Variants in RNF213 observed in about 807,000 individuals in gnomAD.
RNF213 encodes the protein E3 ubiquitin-protein ligase RNF213.
Under a neutral mutation model 514.4 loss-of-function variants are expected in RNF213, and 341 were observed. The observed-to-expected ratio is 0.66, with a 90% CI of 0.61 to 0.73. RNF213 has a LOEUF of 0.73. RNF213 is among the 30% of genes least tolerant of loss of function. The pLI is 0.00. For missense variants in RNF213, 5,767 were observed against 6,615.6 expected (o/e 0.87, Z 4.45); for synonymous variants, 2,655 against 2,658.2 (o/e 1.00, Z 0.04).
At chr17:80,339,153 C>T (rs2078075495) in intron 25 of RNF213, 48 bp from the exon 26 acceptor site, 1 of 1,418,934 alleles carries the variant, frequency 7.0e-7, no homozygotes, top group Non-Finnish European at 9.3e-7. Flanking sequence ...TAGCGTGTTA[C>T]CCTCTCGCAT....
At chr17:80,265,639 G>A (rs1194323421) in intron 2 of RNF213, among the ~76,000 whole-genome samples, 3 of 152,192 alleles carry the variant, frequency 2.0e-5, no homozygotes, top group Non-Finnish European at 4.4e-5. Flanking sequence ...GAGTTTCTTA[G>A]TGTGCCCTGG....
chr17:80,279,073 C>T (rs935070558), intron 3 of RNF213, among the ~76,000 whole-genome samples: 4 of 152,234 alleles, frequency 2.6e-5, no homozygotes, highest in Non-Finnish European at 4.4e-5. Context: ...GAAAGAGCAA[C>T]GCTGATTCAG....
At chr17:80,381,151 G>T in intron 56 of RNF213, 164 bp downstream of exon 56, 1 of 775,912 alleles carries the variant, frequency 1.3e-6, no homozygotes, top group Non-Finnish European at 2.2e-6. Flanking sequence ...TCCCCCTGTG[G>T]CGTATGATGG....
Position 80,357,695 on chromosome 17 carries a change from A to G in RNF213, c.10863-593A>G, listed in dbSNP as rs141400612. ...AGCCTTGCAAAAAATAAAGCAGATA[A>G]GTGCGGTGGCTCACACCTGTAATCC... On this transcript the variant is annotated intron_variant, in intron 36 of 67. Transcript: ENST00000582970. 5.1e-3 allele frequency among the ~76,000 whole-genome samples: 770 copies of G among 152,354 alleles called. 3 individuals are homozygous for G. Among genetic ancestry groups the G allele is most frequent in the African/African-American group, 0.017 (725 of 41,586 alleles).
At chr17:80,338,630 G>T (rs1187121516) in intron 25 of RNF213, among the ~76,000 whole-genome samples, 57 of 102,708 alleles carry the variant, frequency 5.5e-4, no homozygotes, top group South Asian at 1.2e-3. Flanking sequence ...AAAGTATAAG[G>T]TTTTTTTTTT....
At position 80,339,341 on chromosome 17, in the gene RNF213, C is replaced by T; in HGVS notation, c.4974C>T (p.Asp1658=). ...CCCTCCAAATGGACTTTGGCTTGGACCTGGTGACGGAGCTTAAAGAAGGTG... is the reference window on the plus strand; with the variant it reads ...CCCTCCAAATGGACTTTGGCTTGGATCTGGTGACGGAGCTTAAAGAAGGTG... ...GVSLQMDFGL[D]LVTELKEGGD... is the part of the protein sequence containing the mutation. The change falls in exon 26 of 68, where the codon GAC becomes GAT. Residue 1658 remains aspartate, a synonymous_variant. Transcript: ENST00000582970. 2 of 1,537,260 alleles carry T rather than the reference C, an allele frequency of 1.3e-6. No individual in the cohort carries two copies. Among genetic ancestry groups the T allele is most frequent in the African/African-American group, 1.4e-5 (1 of 73,162 alleles).
At chr17:80,335,638 A>G (rs965262335) in intron 22 of RNF213, among the ~76,000 whole-genome samples, 2 of 152,224 alleles carry the variant, frequency 1.3e-5, no homozygotes, top group African/African-American at 4.8e-5. Context: ...TGCCTGGGAC[A>G]TTGAAATTGC....
intron 47 of RNF213, 99 bp from the exon 48 acceptor site, chr17:80,372,422 A>ATCCTTCCTTCTCCACAGTCT: frequency 2.4e-6 from 2 of 842,870 alleles, no homozygotes; most frequent in Non-Finnish European, 3.9e-6. Flanking sequence ...ACATTCTTCT[A>ATCCTTCCTTCTCCACAGTCT]TCCTTCCTTC....
chr17:80,394,360 T>G lies in RNF213; in HGVS notation c.*862T>G, dbSNP rs540768524. ...ATAAACATGCAGTCTCAGTGTGCTC[T>G]CGCATGTATGAATATCTAGTCCTTT... On this transcript the variant is annotated 3_prime_UTR_variant, in exon 68 of 68. Coordinates refer to ENST00000582970, the MANE Select transcript of RNF213 (RefSeq NM_001256071.3). 6.2e-4 allele frequency: 95 copies of G among 152,364 alleles called. No homozygotes were observed. Among genetic ancestry groups the G allele is most frequent in the African/African-American group, 2.2e-3 (93 of 41,590 alleles). The allele number at this position is 152,364 out of a possible 1,614,324, so 9.4% of individuals were successfully genotyped here.
chr17:80,325,084 A>G lies in RNF213; in HGVS notation c.3079A>G (p.Ile1027Val). 3.3e-6 allele frequency: 5 copies of G among 1,537,218 alleles called. No homozygotes were observed. The highest frequency in any genetic ancestry group is 4.4e-6 in the Non-Finnish European group (5 of 1,146,904). ...FSYSDLRKFG[I>V]VLSAVITKSW... Reference sequence around the variant, plus strand: ...TTACTCTGATTTGCGGAAATTTGGCATCGTCTTGTCTGCTGTGATCACTAA... The same window carrying G: ...TTACTCTGATTTGCGGAAATTTGGCGTCGTCTTGTCTGCTGTGATCACTAA... The change falls in exon 18 of 68, where the codon ATC becomes GTC. Residue 1027 changes from isoleucine (I) to valine (V), a missense_variant. By Grantham distance (29) the Ile-to-Val change is conservative. Coordinates refer to ENST00000582970, the MANE Select transcript of RNF213 (RefSeq NM_001256071.3).
In RNF213 at chr17:80,361,805, G is replaced by A. The variant is rs545963983; in HGVS notation, c.11272G>A (p.Glu3758Lys). Reference sequence around the variant, plus strand: ...CAGGTTTCTTGCCCAGCTCCATGGAGAGCCGCAGCAGGAACTTCTTCAGTG... The same window carrying A: ...CAGGTTTCTTGCCCAGCTCCATGGAAAGCCGCAGCAGGAACTTCTTCAGTG... ...LGRFLAQLHG[E>K]PQQELLQCYL... Residue 3758 changes from glutamate to lysine, a missense_variant, in exon 39 of 68, where the codon GAG (glutamate) becomes AAG (lysine). Coordinates refer to ENST00000582970, the MANE Select transcript of RNF213 (RefSeq NM_001256071.3). 2 of 1,614,096 alleles carry A rather than the reference G, an allele frequency of 1.2e-6. No homozygotes were observed. The highest frequency in any genetic ancestry group is 1.7e-6 in the Non-Finnish European group (2 of 1,179,966).
Position 80,288,777 on chromosome 17 carries a change from C to G in RNF213, c.933+22C>G, listed in dbSNP as rs200093086. On this transcript the variant is annotated intron_variant, in intron 5 of 67. Coordinates refer to ENST00000582970, the MANE Select transcript of RNF213 (RefSeq NM_001256071.3). This position sits in a 1 kb window ranked among gnomAD's most constrained non-coding sequence, Gnocchi z 4.9. ...CCAGGTGCGTCTCCTTCCTGCCTGCCGGCTCCAGGAGGCCCTCTCCTGCCC... is the reference window on the plus strand; with the variant it reads ...CCAGGTGCGTCTCCTTCCTGCCTGCGGGCTCCAGGAGGCCCTCTCCTGCCC... The G allele has an allele frequency of 3.1e-5, 50 of 1,613,820 alleles. No individual in the cohort carries two copies. Among genetic ancestry groups the G allele is most frequent in the East Asian group, 4.5e-5 (2 of 44,906 alleles).
At chr17:80,321,120 T>A (rs2046124289) in intron 17 of RNF213, 1 of 152,266 alleles carries the variant, frequency 6.6e-6, no homozygotes, top group African/African-American at 2.4e-5. Context: ...ATATTTGCAT[T>A]TACATAATGA....
At chr17:80,298,578 C>A in intron 11 of RNF213, 60 bp downstream of exon 11, 1 of 1,582,738 alleles carries the variant, frequency 6.3e-7, no homozygotes, top group Non-Finnish European at 8.7e-7. Flanking sequence ...CTACATTGTG[C>A]ACCCGGAGTC....
intron 2 of RNF213, among the ~76,000 whole-genome samples, chr17:80,272,049 G>C (rs145802232): frequency 0.019 from 2,864 of 151,638 alleles, 56 homozygotes; most frequent in East Asian, 0.11. Context: ...CTTTGAGAGG[G>C]CAAGACGGGT....
Position 80,345,356 on chromosome 17 carries a change from A to G in RNF213, c.7021A>G (p.Ile2341Val), listed in dbSNP as rs1324923118. The G allele has an allele frequency of 1.2e-6, 2 of 1,614,138 alleles. No homozygotes were observed. The highest frequency in any genetic ancestry group is 3.3e-5 in the Admixed American group (2 of 60,030). Residue 2341 changes from isoleucine to valine, a missense_variant, in exon 29 of 68, where the codon ATC becomes GTC. Physicochemically the swap from Ile to Val is conservative, Grantham distance 29. Coordinates refer to ENST00000582970, the MANE Select transcript of RNF213 (RefSeq NM_001256071.3). The surrounding 1 kb of genome is among the most constrained non-coding windows in gnomAD (Gnocchi z 6.0). The stretch of plus-strand genomic sequence containing the variant: ...CATCAGTCACTTGACTGGGAAGGTC[A>G]TCAAGAGAGACGTCATGACCAGGGA... ...DAISHLTGKV[I>V]KRDVMTRDLY...
chr17:80,364,062 A>AG (rs1258139451), intron 41 of RNF213, among the ~76,000 whole-genome samples: 2 of 152,164 alleles, frequency 1.3e-5, no homozygotes, highest in Non-Finnish European at 2.9e-5. Context: ...ATGCCGTGTG[A>AG]GAAATGCTGT....
In RNF213 at chr17:80,388,125, G is replaced by A. The variant is rs545737611; in HGVS notation, c.14923-487G>A. ...ACTACAGGCGCCCGCCACCATGCCC[G>A]GCTAATTTTTTTGTATTTTTAGTAG... On this transcript the variant is annotated intron_variant, in intron 63 of 67. Transcript: ENST00000582970. Among the ~76,000 whole-genome samples, 4 of 152,102 alleles carry A rather than the reference G, an allele frequency of 2.6e-5. No homozygotes were observed. The East Asian group carries it at 7.7e-4, about 29-fold the overall frequency.
rs200256523 is a variant in RNF213 at position 80,346,691 on chromosome 17, A to G, written c.8356A>G (p.Met2786Val). The G allele has an allele frequency of 1.3e-4, 213 of 1,611,188 alleles. 1 individual carries two copies. The highest frequency in any genetic ancestry group is 1.2e-5 in the Non-Finnish European group (14 of 1,179,982). Residue 2786 changes from methionine (M) to valine (V), a missense_variant, in exon 29 of 68, where the codon ATG becomes GTG. This residue lies in a region of RNF213 where 105 missense variants were observed against 183.9 expected (regional missense o/e 0.57). Transcript: ENST00000582970. The surrounding 1 kb of genome is among the most constrained non-coding windows in gnomAD (Gnocchi z 8.1). ...CGCCAAGACCATCGTGGCAGACGCC[A>G]TGCAGGGCCCGGCTGCCTACTCAGA... ...SLAKTIVADA[M>V]QGPAAYSDLF...
Sources: gnomAD v4.1 joint callset for allele counts (sites outside exome capture counted in the v4.1 genomes callset) on GRCh38, gnomAD v4.1.1 for gene constraint, gnomAD v4.1.1 regional missense constraint, Gnocchi (gnomAD v3.1) non-coding constraint, MANE v1.5 for transcripts, NCBI Gene and HGNC (gene_info 2026-07-23, HGNC 2026-07-21) for gene names.